ZNF497: variants seen among roughly 807,000 people sequenced by gnomAD.
The protein encoded by ZNF497 is zinc finger protein 497.
For missense variants in ZNF497, 930 were observed against 714.0 expected (o/e 1.30, Z -3.45); for synonymous variants, 422 against 313.7 (o/e 1.35, Z -3.65).
At chr19:58,359,415 G>C (rs1283051582) in intron 1 of ZNF497, 1 of 495,962 alleles carries the variant, frequency 2.0e-6, no homozygotes, top group Admixed American at 2.3e-5. Flanking sequence ...TGGAAGAATG[G>C]GGGTATCGGC....
intron 2 of ZNF497, chr19:58,358,016 CAAG>C: frequency 8.1e-7 from 1 of 1,230,858 alleles, no homozygotes; most frequent in Admixed American, 3.4e-5. Context: ...CCCCAAGTGT[CAAG>C]AAGGTGGAGA....
In ZNF497 at chr19:58,356,354, C is replaced by T. The variant is rs1201885294; in HGVS notation, c.1282G>A (p.Glu428Lys). Residue 428 changes from glutamate to lysine, a missense_variant, in exon 3 of 3, where the codon GAG becomes AAG. Glu to Lys is a moderately conservative substitution (Grantham distance 56). Transcript: ENST00000311044. ...ECGKAFRGSSELRQHQRLHSG... is the reference protein window; with the variant it reads ...ECGKAFRGSSKLRQHQRLHSG... ...TGCAGGCGCTGGTGCTGGCGCAGCT[C>T]GGAGCTGCCGCGGAAGGCCTTGCCG... is the stretch of plus-strand genomic sequence containing the variant. 6.4e-6 allele frequency: 10 copies of T among 1,565,494 alleles called. No homozygotes were observed. In the Admixed American group the frequency reaches 1.1e-4, roughly 18 times the overall value.
At chr19:58,360,765 C>CTG (rs1491159514) in intron 1 of ZNF497, among the ~76,000 whole-genome samples, 6 of 88,312 alleles carry the variant, frequency 6.8e-5, no homozygotes, top group African/African-American at 2.6e-4. Context: ...TGGTCCCGAA[C>CTG]TCTTTTTTTT....
Position 58,362,750 on chromosome 19 carries a change from A to C in ZNF497, c.-185T>G. On this transcript the variant is annotated 5_prime_UTR_variant, in exon 1 of 3. Transcript: ENST00000311044. ...CGCACGCGGGCTCGAGCCGCGTGGA[A>C]TGGTAGGAGGGCGGGCACCGGGTCT... is the stretch of plus-strand genomic sequence containing the variant. 1.3e-5 allele frequency: 2 copies of C among 152,018 alleles called. No individual in the cohort carries two copies. Among genetic ancestry groups the C allele is most frequent in the East Asian group, 1.9e-4 (1 of 5,166 alleles). The allele number at this position is 152,018 out of a possible 1,614,324, so 9.4% of individuals were successfully genotyped here. A position where few individuals can be genotyped will look rare whatever the true frequency, so the allele number is the denominator to read the frequency against.
At position 58,356,640 on chromosome 19, in the gene ZNF497, G is replaced by A; in HGVS notation, c.996C>T (p.Cys332=). ...RTHTGERPFE[C]AECGQAFVMG... is the part of the protein sequence containing the mutation. Reference sequence around the variant, plus strand: ...TGACGAAAGCCTGGCCGCACTCGGCGCACTCGAAGGGCCGCTCACCAGTGT... The same window carrying A: ...TGACGAAAGCCTGGCCGCACTCGGCACACTCGAAGGGCCGCTCACCAGTGT... The change falls in exon 3 of 3, where the codon TGC becomes TGT. Residue 332 remains cysteine, a synonymous_variant. Transcript: ENST00000311044. 1 of 1,546,194 alleles carries A rather than the reference G, an allele frequency of 6.5e-7. No individual in the cohort carries two copies. The highest frequency in any genetic ancestry group is 8.7e-7 in the Non-Finnish European group (1 of 1,151,116).
rs561823155 is a variant in ZNF497, at chr19:58,357,154, G to A, written c.482C>T (p.Pro161Leu). 6.2e-7 allele frequency: 1 copy of A among 1,612,600 alleles called. No homozygotes were observed. Among genetic ancestry groups the A allele is most frequent in the East Asian group, 2.2e-5 (1 of 44,826 alleles). ...QHQRIHSGEK[P>L]YACRECGKAF... ...CTTGCCGCACTCCCTGCAAGCGTAGGGCTTCTCGCCGCTGTGGATGCGCTG... is the reference window on the plus strand; with the variant it reads ...CTTGCCGCACTCCCTGCAAGCGTAGAGCTTCTCGCCGCTGTGGATGCGCTG... The change falls in exon 3 of 3, where the codon CCC becomes CTC. Residue 161 changes from proline (P) to leucine (L), a missense_variant. By Grantham distance (98) the Pro-to-Leu change is moderately conservative. Transcript: ENST00000311044.
At chr19:58,360,765 C>CTGT (rs1491159514) in intron 1 of ZNF497, among the ~76,000 whole-genome samples, 3 of 88,264 alleles carry the variant, frequency 3.4e-5, no homozygotes, top group African/African-American at 1.3e-4. Flanking sequence ...TGGTCCCGAA[C>CTGT]TCTTTTTTTT....
rs761424048 is a variant in ZNF497 at position 58,357,358 on chromosome 19, C to T, written c.278G>A (p.Arg93Gln). 5 of 1,594,718 alleles carry T rather than the reference C, an allele frequency of 3.1e-6. No homozygotes were observed. The highest frequency in any genetic ancestry group is 1.7e-5 in the Admixed American group (1 of 57,474). ...TGGGAGAGGCGAAGGGCGCAACGCC[C>T]GGTCTGCAGGCTCGCTCCTGGGCCC... ...GAGPRSEPADRALRPSPLPEE... is the reference protein window; with the variant it reads ...GAGPRSEPADQALRPSPLPEE... Residue 93 changes from arginine (R) to glutamine (Q), a missense_variant, in exon 3 of 3, where the codon CGG becomes CAG. Transcript: ENST00000311044.
Position 58,357,137 on chromosome 19 carries a change from A to C in ZNF497, c.499T>G (p.Cys167Gly). ...GAGTGCGCGCGGAAGGCCTTGCCGC[A>C]CTCCCTGCAAGCGTAGGGCTTCTCG... ...SGEKPYACRE[C>G]GKAFRAHSQL... The change falls in exon 3 of 3, where the codon TGC (cysteine) becomes GGC (glycine). Residue 167 changes from cysteine (C) to glycine (G), a missense_variant. Physicochemically the swap from Cys to Gly is radical, Grantham distance 159 (BLOSUM62 -3). Transcript: ENST00000311044. The C allele has an allele frequency of 6.2e-7, 1 of 1,601,428 alleles. No homozygotes were observed. Among genetic ancestry groups the C allele is most frequent in the Non-Finnish European group, 8.5e-7 (1 of 1,171,942 alleles).
intron 2 of ZNF497, 142 bp downstream of exon 2, chr19:58,358,347 G>T (rs1013246908): frequency 1.6e-6 from 2 of 1,238,850 alleles, no homozygotes; most frequent in African/African-American, 3.1e-5. Context: ...ATGCCTGCCT[G>T]TCCAGCCGAT....
Position 58,357,210 on chromosome 19 carries a change from G to C in ZNF497, c.426C>G (p.Ala142=). ...GGCTGAGGTTGGAGCTCCAGGCGAAGGCCTTGCCGCACTCGGGGCACGTGT... is the reference window on the plus strand; with the variant it reads ...GGCTGAGGTTGGAGCTCCAGGCGAACGCCTTGCCGCACTCGGGGCACGTGT... ...KPYTCPECGK[A]FAWSSNLSQH... The change falls in exon 3 of 3, where the codon GCC becomes GCG. Residue 142 remains alanine (A), a synonymous_variant. Coordinates refer to ENST00000311044, the MANE Select transcript of ZNF497 (RefSeq NM_198458.3). The C allele has an allele frequency of 6.2e-7, 1 of 1,613,114 alleles. No individual in the cohort carries two copies. The highest frequency in any genetic ancestry group is 2.2e-5 in the East Asian group (1 of 44,828).
chr19:58,359,031 C>A, intron 1 of ZNF497: 1 of 530,974 alleles, frequency 1.9e-6, no homozygotes, highest in South Asian at 1.5e-5. Flanking sequence ...AATAACTGCT[C>A]CAGCACCAAG....
In ZNF497 at chr19:58,357,403, T is replaced by A. The variant is rs200534166; in HGVS notation, c.233A>T (p.Asp78Val). ...GGGCCCAGCCCCGTCCCGCCCACCGTCTGCGGGGCCCAGCTCCCTGCCGGG... is the reference window on the plus strand; with the variant it reads ...GGGCCCAGCCCCGTCCCGCCCACCGACTGCGGGGCCCAGCTCCCTGCCGGG... Reference protein sequence around the residue: ...GGPGRELGPADGGRDGAGPRS... With the variant: ...GGPGRELGPAVGGRDGAGPRS... Residue 78 changes from aspartate (D) to valine (V), a missense_variant, in exon 3 of 3, where the codon GAC becomes GTC. By Grantham distance (152) the Asp-to-Val change is radical (BLOSUM62 -3). Transcript: ENST00000311044. 4 of 1,598,372 alleles carry A rather than the reference T, an allele frequency of 2.5e-6. No individual in the cohort carries two copies. In the East Asian group the frequency reaches 9.1e-5, roughly 36 times the overall value.
At chr19:58,357,856 C>T (rs1001078658) in intron 2 of ZNF497, 1 of 1,310,778 alleles carries the variant, frequency 7.6e-7, no homozygotes, top group African/African-American at 1.5e-5. Flanking sequence ...CTGGGCCTGC[C>T]TGACAGGGCC....
In ZNF497 at chr19:58,355,873, G is replaced by A. The variant is rs2052011084; in HGVS notation, c.*266C>T. 3 of 452,788 alleles carry A rather than the reference G, an allele frequency of 6.6e-6. No individual in the cohort carries two copies. The highest frequency in any genetic ancestry group is 4.1e-5 in the African/African-American group (2 of 48,302). 28.0% of individuals were successfully genotyped at this position (452,788 alleles called of 1,614,324 possible). On this transcript the variant is annotated 3_prime_UTR_variant, in exon 3 of 3. Transcript: ENST00000311044. ...AGTTCTTGCCCACCTCTGCATGGAC[G>A]AACCTCTCGCCGAAGTGGAGCCTGC...
Position 58,356,876 on chromosome 19 carries a change from C to T in ZNF497, c.760G>A (p.Ala254Thr), listed in dbSNP as rs1219011087. 6.3e-7 allele frequency: 1 copy of T among 1,592,556 alleles called. No individual in the cohort carries two copies. The highest frequency in any genetic ancestry group is 8.5e-7 in the Non-Finnish European group (1 of 1,174,240). The part of the protein sequence containing the change: ...RPHACRDCGK[A>T]FSQSSNLAEH... ...GCCAGGTTGGAGCTCTGGCTGAAGG[C>T]CTTGCCACAGTCCCGGCAGGCGTGC... Residue 254 changes from alanine (A) to threonine (T), a missense_variant, in exon 3 of 3, where the codon GCC becomes ACC. Transcript: ENST00000311044.
intron 2 of ZNF497, 108 bp downstream of exon 2, chr19:58,358,381 A>G: frequency 8.4e-7 from 1 of 1,190,516 alleles, no homozygotes; most frequent in Non-Finnish European, 1.1e-6. Context: ...AAGTCTCTAC[A>G]GCGAGCAAAA....
chr19:58,357,729 G>T, intron 2 of ZNF497, 80 bp from the exon 3 acceptor site: 1 of 1,360,258 alleles, frequency 7.4e-7, no homozygotes. Flanking sequence ...ACACGACGGT[G>T]GGTGGGCTGT....
intron 2 of ZNF497, 145 bp from the exon 3 acceptor site, chr19:58,357,794 G>A (rs2052045865): frequency 5.8e-6 from 7 of 1,198,730 alleles, no homozygotes; most frequent in Non-Finnish European, 4.4e-6. Flanking sequence ...TCTGGAGCCT[G>A]GAGCAGGAAG....
Sources: gnomAD v4.1 joint callset for allele counts (sites outside exome capture counted in the v4.1 genomes callset) on GRCh38, gnomAD v4.1.1 for gene constraint, MANE v1.5 for transcripts, NCBI Gene and HGNC (gene_info 2026-07-23, HGNC 2026-07-21) for gene names.